The following SDAD1 variants were observed in gnomAD, a reference collection of about 807,000 sequenced individuals.
SDAD1 encodes SDA1 domain containing 1, also known as protein SDA1 homolog.
Under a neutral mutation model 100.3 loss-of-function variants are expected in SDAD1, and 79 were observed. That is an observed-to-expected ratio of 0.79 (90% confidence interval 0.66 to 0.95). SDAD1 has a LOEUF of 0.95. SDAD1 is among the 40% of genes least tolerant of loss of function. The pLI is 0.00. For missense variants in SDAD1, 790 were observed against 810.9 expected, an observed-to-expected ratio of 0.97 and a Z score of 0.31; for synonymous variants, 267 against 271.4, an observed-to-expected ratio of 0.98 and a Z score of 0.16.
chr4:75,964,130 C>T lies in SDAD1; in HGVS notation c.1181+5G>A. 1 of 1,598,142 alleles carries T rather than the reference C, an allele frequency of 6.3e-7. No individual in the cohort carries two copies. Among genetic ancestry groups the T allele is most frequent in the Non-Finnish European group, 8.6e-7 (1 of 1,167,284 alleles). ...ATCTTCTGCCTCCAACCAGATTCTACATACCCTACTGTCATGACTTCTCCA... is the reference window on the plus strand; with the variant it reads ...ATCTTCTGCCTCCAACCAGATTCTATATACCCTACTGTCATGACTTCTCCA... On this transcript the variant is annotated splice_donor_5th_base_variant and intron_variant, in intron 14 of 21. Coordinates refer to ENST00000356260, the MANE Select transcript of SDAD1 (RefSeq NM_018115.4).
chr4:75,976,709 T>G (rs1015067275), intron 4 of SDAD1, among the ~76,000 whole-genome samples: 1 of 151,696 alleles, frequency 6.6e-6, no homozygotes. Flanking sequence ...AGTGGATGAA[T>G]TTTACATAAA....
At chr4:75,969,161 T>C in intron 11 of SDAD1, 135 bp downstream of exon 11, 1 of 519,614 alleles carries the variant, frequency 1.9e-6, no homozygotes, top group Non-Finnish European at 3.4e-6. Context: ...TCAGAGATGT[T>C]ACTCTTCTGT....
intron 7 of SDAD1, 37 bp from the exon 8 acceptor site, chr4:75,973,428 C>T: frequency 6.9e-7 from 1 of 1,447,602 alleles, no homozygotes. Flanking sequence ...CTACTTGATT[C>T]AGCTTAAAAT....
chr4:75,978,602 T>C (rs1730292269), intron 3 of SDAD1, among the ~76,000 whole-genome samples: 1 of 152,038 alleles, frequency 6.6e-6, no homozygotes, highest in African/African-American at 2.4e-5. Flanking sequence ...TGAAGAATAG[T>C]TGATTCCAAG....
intron 8 of SDAD1, 85 bp downstream of exon 8, chr4:75,973,232 T>C (rs751040303): frequency 1.6e-5 from 17 of 1,081,764 alleles, no homozygotes; most frequent in Non-Finnish European, 2.4e-5. Flanking sequence ...AGTTTCTTTC[T>C]AACTTCAGCA....
At chr4:75,954,814 T>C (rs980804399) in intron 21 of SDAD1, among the ~76,000 whole-genome samples, 6 of 152,088 alleles carry the variant, frequency 3.9e-5, no homozygotes, top group African/African-American at 1.4e-4. Flanking sequence ...GAAAAGCAGA[T>C]GTTCATAGCT....
At chr4:75,971,918 A>C (rs1001650191) in intron 8 of SDAD1, among the ~76,000 whole-genome samples, 1 of 151,328 alleles carries the variant, frequency 6.6e-6, no homozygotes. Flanking sequence ...AGGTACATAC[A>C]AAGATTTTCA....
In SDAD1 at chr4:75,962,280, T is replaced by C. The variant is rs561888060; in HGVS notation, c.1182-972A>G. Among the ~76,000 whole-genome samples the C allele has an allele frequency of 9.8e-5, 15 of 152,366 alleles. No individual in the cohort carries two copies. The East Asian group carries it at 2.5e-3, about 25-fold the overall frequency. On this transcript the variant is annotated intron_variant, in intron 14 of 21. Coordinates refer to ENST00000356260, the MANE Select transcript of SDAD1 (RefSeq NM_018115.4). ...TCCATAGCGTATATGTGCCACATTTTCTTAATCCAGTCTATCATTGTTGGA... is the reference window on the plus strand; with the variant it reads ...TCCATAGCGTATATGTGCCACATTTCCTTAATCCAGTCTATCATTGTTGGA...
At chr4:75,989,748 T>C (rs1731124008) in intron 1 of SDAD1, among the ~76,000 whole-genome samples, 1 of 152,238 alleles carries the variant, frequency 6.6e-6, no homozygotes, top group South Asian at 2.1e-4. Flanking sequence ...CTTCTTGTAC[T>C]TGTTTCCTAC....
chr4:75,965,691 T>C (rs905719219), intron 13 of SDAD1, 73 bp downstream of exon 13: 7 of 1,244,934 alleles, frequency 5.6e-6, no homozygotes, highest in East Asian at 2.3e-5. Context: ...GTTCCCCCGA[T>C]AGACCCTGAA....
rs1013801228 is a variant in SDAD1, at chr4:75,966,314, T to A, written c.1046-492A>T. 3.5e-4 allele frequency among the ~76,000 whole-genome samples: 46 copies of A among 130,598 alleles called. 1 individual carries two copies. Among genetic ancestry groups the A allele is most frequent in the South Asian group, 4.8e-4 (2 of 4,180 alleles). 85.7% of individuals were successfully genotyped at this position (130,598 alleles called of 152,430 possible). A position where few individuals can be genotyped will look rare whatever the true frequency, so the allele number is the denominator to read the frequency against. On this transcript the variant is annotated intron_variant, in intron 12 of 21. Transcript: ENST00000356260. ...CACACACACACACACACACACACAC[T>A]GTCTCTTTTCAAAGGGGCAGCATAG...
At position 75,975,697 on chromosome 4, in the gene SDAD1, A is replaced by G. The variant is rs1730116276; in HGVS notation, c.578+47T>C. ...GTATATGTGCTCTGTATTAATTACA[A>G]ATGAAAAAAGAGTCTACTTCTCAAG... On this transcript the variant is annotated intron_variant, in intron 6 of 21. Transcript: ENST00000356260. 3.9e-6 allele frequency: 5 copies of G among 1,290,886 alleles called. No individual in the cohort carries two copies. The South Asian group carries it at 4.9e-5, about 13-fold the overall frequency. 80.0% of individuals were successfully genotyped at this position (1,290,886 alleles called of 1,614,324 possible).
chr4:75,975,878 A>C (rs1447887862), intron 5 of SDAD1, 34 bp from the exon 6 acceptor site: 27 of 1,600,884 alleles, frequency 1.7e-5, no homozygotes, highest in Non-Finnish European at 2.3e-5. Flanking sequence ...GACTTAATGC[A>C]CTGATGGTAC....
rs548168022 is a variant in SDAD1, at chr4:75,961,065, C to T, written c.1319G>A (p.Arg440Gln). Residue 440 changes from arginine to glutamine, a missense_variant, in exon 16 of 22, where the codon CGA becomes CAA. Arg to Gln is a conservative substitution (Grantham distance 43, BLOSUM62 1). Coordinates refer to ENST00000356260, the MANE Select transcript of SDAD1 (RefSeq NM_018115.4). ...CTGCAGCATCTGAGGATTCAGTGTTCGGAAGAGGTGAATCAAAGTTCTAGC... is the reference window on the plus strand; with the variant it reads ...CTGCAGCATCTGAGGATTCAGTGTTTGGAAGAGGTGAATCAAAGTTCTAGC... Reference protein sequence around the residue: ...MSARTLIHLFRTLNPQMLQKK... With the variant: ...MSARTLIHLFQTLNPQMLQKK... 14 of 1,613,896 alleles carry T rather than the reference C, an allele frequency of 8.7e-6. No individual in the cohort carries two copies. Among genetic ancestry groups the T allele is most frequent in the African/African-American group, 8.0e-5 (6 of 75,024 alleles).
At chr4:75,982,079 T>C (rs1730558674) in intron 1 of SDAD1, 42 bp from the exon 2 acceptor site, 2 of 1,257,096 alleles carry the variant, frequency 1.6e-6, no homozygotes, top group Non-Finnish European at 1.1e-6. Context: ...TTGTATTACA[T>C]GACTTTCTCA....
In SDAD1 at chr4:75,960,964, T is replaced by C. The variant is rs1729195591; in HGVS notation, c.1356+64A>G. On this transcript the variant is annotated intron_variant, in intron 16 of 21. Coordinates refer to ENST00000356260, the MANE Select transcript of SDAD1 (RefSeq NM_018115.4). Reference sequence around the variant, plus strand: ...ATCATAAGTACTAAAATCCTAATTGTAGGAAATTTCTCTCAGTTTGTGAGA... The same window carrying C: ...ATCATAAGTACTAAAATCCTAATTGCAGGAAATTTCTCTCAGTTTGTGAGA... 4 of 1,328,134 alleles carry C rather than the reference T, an allele frequency of 3.0e-6. No individual in the cohort carries two copies. The South Asian group carries it at 4.7e-5, about 16-fold the overall frequency. 82.3% of individuals were successfully genotyped at this position (1,328,134 alleles called of 1,614,324 possible).
chr4:75,955,900 AAGTCC>A, intron 21 of SDAD1, 70 bp downstream of exon 21: 3 of 1,492,074 alleles, frequency 2.0e-6, no homozygotes, highest in Non-Finnish European at 2.7e-6. Context: ...CAGAAGGCGC[AAGTCC>A]GTCTCAAATG....
At chr4:75,959,437 C>T (rs1729106542) in intron 17 of SDAD1, among the ~76,000 whole-genome samples, 1 of 151,890 alleles carries the variant, frequency 6.6e-6, no homozygotes. Flanking sequence ...AACCCTATCT[C>T]TACTAAAAAT....
At chr4:75,959,893 G>GC (rs1320739855) in intron 17 of SDAD1, among the ~76,000 whole-genome samples, 173 bp downstream of exon 17, 1 of 152,178 alleles carries the variant, frequency 6.6e-6, no homozygotes, top group Non-Finnish European at 1.5e-5. Context: ...CATAAGTTCC[G>GC]CAAGAGGAGG....
Sources: gnomAD v4.1 joint callset for allele counts (sites outside exome capture counted in the v4.1 genomes callset) on GRCh38, gnomAD v4.1.1 for gene constraint, MANE v1.5 for transcripts, NCBI Gene and HGNC (gene_info 2026-07-23, HGNC 2026-07-21) for gene names.